TIMM21: variants seen among roughly 807,000 people sequenced by gnomAD.
The protein encoded by TIMM21 is translocase of inner mitochondrial membrane 21.
Under a neutral mutation model 27.7 loss-of-function variants are expected in TIMM21, and 30 were observed. The ratio of observed to expected loss-of-function variants is 1.08; its 90% CI spans 0.81 to 1.47. The LOEUF is 1.47. Ranked by LOEUF, TIMM21 falls within the 40% of genes most tolerant of loss-of-function variation. TIMM21 has a pLI of 0.00. For missense variants in TIMM21, 292 were observed against 302.9 expected (o/e 0.96, Z 0.27); for synonymous variants, 121 against 114.4 (o/e 1.06, Z -0.37).
At chr18:74,151,936 T>TC (rs1568190845) in intron 1 of TIMM21, among the ~76,000 whole-genome samples, 22 of 107,050 alleles carry the variant, frequency 2.1e-4, no homozygotes, top group Admixed American at 1.2e-3. Flanking sequence ...GGTGTCTATG[T>TC]TCCCCCCCCC....
In TIMM21 at chr18:74,149,129, T is replaced by C. The variant is rs372782098; in HGVS notation, c.301+20T>C. The C allele has an allele frequency of 8.1e-6, 13 of 1,595,420 alleles. No individual in the cohort carries two copies. The highest frequency in any genetic ancestry group is 1.1e-5 in the Non-Finnish European group (13 of 1,167,520). ...AAAAAGGTAAAAAGGAGTACTTTAA[T>C]GATTGGGCTTTCAACAGACATGACA... is the stretch of plus-strand genomic sequence containing the variant. On this transcript the variant is annotated intron_variant, in intron 1 of 5. Transcript: ENST00000169551.
At position 74,158,854 on chromosome 18, in the gene TIMM21, T is replaced by TGTCA. The variant is rs1419258819; in HGVS notation, c.*375_*378dup. 5.3e-6 allele frequency: 1 copy of TGTCA among 189,454 alleles called. No individual in the cohort carries two copies. Among genetic ancestry groups the TGTCA allele is most frequent in the Non-Finnish European group, 1.1e-5 (1 of 92,556 alleles). The allele number at this position is 189,454 out of a possible 1,614,324, so 11.7% of individuals were successfully genotyped here. A position where few individuals can be genotyped will look rare whatever the true frequency, so the allele number is the denominator to read the frequency against. On this transcript the variant is annotated 3_prime_UTR_variant, in exon 6 of 6. Coordinates refer to ENST00000169551, the MANE Select transcript of TIMM21 (RefSeq NM_014177.3). ...AGAATAAAATTAAAACTAACAAATA[T>TGTCA]GTCATTAGCAGCTGCCCTCCGCATA... is the stretch of plus-strand genomic sequence containing the variant.
At chr18:74,157,798 A>G in intron 3 of TIMM21, 1 of 547,834 alleles carries the variant, frequency 1.8e-6, no homozygotes. Context: ...GGTTTCACCT[A>G]GTTGGCCAGG....
At chr18:74,154,600 G>A (rs1035674472) in intron 1 of TIMM21, among the ~76,000 whole-genome samples, 1 of 152,240 alleles carries the variant, frequency 6.6e-6, no homozygotes, top group Non-Finnish European at 1.5e-5. Context: ...AGCTCTCAGA[G>A]TGTCTGTTTA....
At chr18:74,157,830 T>G (rs1568192473) in intron 3 of TIMM21, 184 bp from the exon 4 acceptor site, 2 of 619,050 alleles carry the variant, frequency 3.2e-6, no homozygotes, top group African/African-American at 3.7e-5. Flanking sequence ...CTCCTGACCT[T>G]GTGATCCACC....
rs1249897574 is a variant in TIMM21 at position 74,148,596 on chromosome 18, A to C, written c.-213A>C. 1 of 492,004 alleles carries C rather than the reference A, an allele frequency of 2.0e-6. No individual in the cohort carries two copies. Among genetic ancestry groups the C allele is most frequent in the Non-Finnish European group, 3.6e-6 (1 of 275,208 alleles). The allele number at this position is 492,004 out of a possible 1,614,324, so 30.5% of individuals were successfully genotyped here. Reference sequence around the variant, plus strand: ...AAGGTGATCAGAGCCTGTTAATTAAAATGGAAAGAAGACAGAAGGGAAGGT... The same window carrying C: ...AAGGTGATCAGAGCCTGTTAATTAACATGGAAAGAAGACAGAAGGGAAGGT... On this transcript the variant is annotated 5_prime_UTR_variant, in exon 1 of 6. Transcript: ENST00000169551.
intron 1 of TIMM21, among the ~76,000 whole-genome samples, chr18:74,153,059 T>A (rs28547987): frequency 0.15 from 22,623 of 152,164 alleles, 3,960 homozygotes; most frequent in African/African-American, 0.42. Context: ...CTACCAGTGC[T>A]CCCTGCAGCT....
chr18:74,149,021 C>G lies in TIMM21; in HGVS notation c.213C>G (p.Ser71Arg). The G allele has an allele frequency of 1.9e-6, 3 of 1,614,082 alleles. No homozygotes were observed. Among genetic ancestry groups the G allele is most frequent in the Non-Finnish European group, 2.5e-6 (3 of 1,180,020 alleles). Residue 71 changes from serine to arginine, a missense_variant, in exon 1 of 6, where the codon AGC becomes AGG. By Grantham distance (110) the Ser-to-Arg change is moderately radical. Transcript: ENST00000169551. ...AAACCATCTGGACGCAGGGACCGAG[C>G]CCCCGAAAAGCAAAGGAGGATGGCA... The part of the protein sequence containing the change: ...TQKTIWTQGP[S>R]PRKAKEDGSK...
Position 74,152,914 on chromosome 18 carries a change from T to C in TIMM21, c.302-2231T>C, listed in dbSNP as rs1441783658. Among the ~76,000 whole-genome samples, 29 of 152,166 alleles carry C rather than the reference T, an allele frequency of 1.9e-4. 1 individual carries two copies. The highest frequency in any genetic ancestry group is 4.4e-5 in the Non-Finnish European group (3 of 68,026). On this transcript the variant is annotated intron_variant, in intron 1 of 5. Coordinates refer to ENST00000169551, the MANE Select transcript of TIMM21 (RefSeq NM_014177.3). The surrounding 1 kb of genome is among the most constrained non-coding windows in gnomAD (Gnocchi z 4.1). Reference sequence around the variant, plus strand: ...GCTGGCCAGTCACTGTCCTACCTAATATGGGGGCTGAGTCTTATGCTTCTG... The same window carrying C: ...GCTGGCCAGTCACTGTCCTACCTAACATGGGGGCTGAGTCTTATGCTTCTG...
intron 1 of TIMM21, 68 bp downstream of exon 1, chr18:74,149,177 A>G (rs1979711633): frequency 6.6e-7 from 1 of 1,508,976 alleles, no homozygotes; most frequent in Non-Finnish European, 8.9e-7. Context: ...GCCCTTTTAT[A>G]CCAAGTTCAC....
At position 74,152,482 on chromosome 18, in the gene TIMM21, CT is replaced by C. The variant is rs1467205043; in HGVS notation, c.302-2661del. Among the ~76,000 whole-genome samples, 5 of 152,164 alleles carry C rather than the reference CT, an allele frequency of 3.3e-5. No homozygotes were observed. Among genetic ancestry groups the C allele is most frequent in the African/African-American group, 9.7e-5 (4 of 41,444 alleles). ...CAGCCACAGCCGTCTGATATAAGTCCTTAAAATTGCTGATTCCTCCTAAACT... is the reference window on the plus strand; with the variant it reads ...CAGCCACAGCCGTCTGATATAAGTCCTAAAATTGCTGATTCCTCCTAAACT... On this transcript the variant is annotated intron_variant, in intron 1 of 5. Transcript: ENST00000169551. This position sits in a 1 kb window ranked among gnomAD's most constrained non-coding sequence, Gnocchi z 4.1.
chr18:74,148,752 TAA>T lies in TIMM21; in HGVS notation c.-55_-54del. The T allele has an allele frequency of 6.4e-7, 1 of 1,557,062 alleles. No individual in the cohort carries two copies. The highest frequency in any genetic ancestry group is 8.8e-7 in the Non-Finnish European group (1 of 1,141,854). ...GTCCGGCCGCATGTGTAGTGAACCC[TAA>T]AGCTTTCCTAATTGTAGTTAGCATC... is the stretch of plus-strand genomic sequence containing the variant. On this transcript the variant is annotated 5_prime_UTR_variant, in exon 1 of 6. An upstream open reading frame in the 5' UTR loses its in-frame stop. Transcript: ENST00000169551.
chr18:74,155,017 C>T, intron 1 of TIMM21, 128 bp from the exon 2 acceptor site: 1 of 827,474 alleles, frequency 1.2e-6, no homozygotes, highest in Non-Finnish European at 2.0e-6. Context: ...ACAGCTGCCC[C>T]TGAACACACA....
intron 1 of TIMM21, among the ~76,000 whole-genome samples, chr18:74,153,240 A>C (rs1423744895): frequency 6.6e-6 from 1 of 152,244 alleles, no homozygotes; most frequent in Non-Finnish European, 1.5e-5. Context: ...GAAATTTTTC[A>C]AGTGTGTAGA....
chr18:74,150,622 C>T (rs1482754828), intron 1 of TIMM21, among the ~76,000 whole-genome samples: 2 of 152,186 alleles, frequency 1.3e-5, no homozygotes, highest in Non-Finnish European at 2.9e-5. Context: ...AGGCGTTCTT[C>T]AAAGCAATGG....
intron 3 of TIMM21, chr18:74,157,744 C>T: frequency 2.6e-6 from 1 of 385,260 alleles, no homozygotes; most frequent in Admixed American, 4.2e-5. Context: ...TACAGATGCG[C>T]ATCACCATGC....
At chr18:74,154,269 CT>C (rs796141852) in intron 1 of TIMM21, among the ~76,000 whole-genome samples, 55 of 147,148 alleles carry the variant, frequency 3.7e-4, no homozygotes, top group South Asian at 4.3e-4. Context: ...CTGACACTGT[CT>C]TTTTTTTTTT....
chr18:74,153,856 T>C (rs565480539), intron 1 of TIMM21, among the ~76,000 whole-genome samples: 3 of 152,332 alleles, frequency 2.0e-5, no homozygotes, highest in Non-Finnish European at 4.4e-5. Context: ...TTCCAAAAGT[T>C]TTTTTCTTAA....
Position 74,155,288 on chromosome 18 carries a change from T to C in TIMM21, c.365-18T>C. 1.2e-6 allele frequency: 2 copies of C among 1,612,828 alleles called. No individual in the cohort carries two copies. The highest frequency in any genetic ancestry group is 1.3e-5 in the African/African-American group (1 of 74,888). ...TGTTGCCCTTGCTTCGCTTCATCTTTGTTTTCTGTGATTTCAGGTGGCTTG... is the reference window on the plus strand; with the variant it reads ...TGTTGCCCTTGCTTCGCTTCATCTTCGTTTTCTGTGATTTCAGGTGGCTTG... On this transcript the variant is annotated intron_variant, in intron 2 of 5. Coordinates refer to ENST00000169551, the MANE Select transcript of TIMM21 (RefSeq NM_014177.3).
Sources: allele counts gnomAD v4.1 joint callset (sites outside exome capture counted in the v4.1 genomes callset), GRCh38; gene constraint gnomAD v4.1.1; non-coding constraint Gnocchi (gnomAD v3.1); transcripts MANE v1.5; gene names NCBI Gene and HGNC (gene_info 2026-07-23, HGNC 2026-07-21).